The following ULK4 variants were observed in gnomAD, a reference collection of about 807,000 sequenced individuals.
The protein encoded by ULK4 is inactive serine/threonine-protein kinase ULK4.
In ULK4, 133 loss-of-function variants were observed where a neutral mutation model predicts 160.6. That is an observed-to-expected ratio of 0.83 (90% CI 0.72 to 0.96). The LOEUF is 0.96. ULK4 is among the 40% of genes least tolerant of loss of function. The pLI is 0.00. For synonymous variants in ULK4, 534 were observed against 539.8 expected (o/e 0.99, Z 0.15); for missense variants, 1,580 against 1,499.5 (o/e 1.05, Z -0.89).
chr3:41,640,587 G>A (rs1354452533), intron 30 of ULK4, among the ~76,000 whole-genome samples: 5 of 152,080 alleles, frequency 3.3e-5, no homozygotes, highest in Non-Finnish European at 5.9e-5. Context: ...AGCTTCAATA[G>A]GAAACACACG....
intron 35 of ULK4, among the ~76,000 whole-genome samples, chr3:41,290,103 G>T (rs1460061706): frequency 6.6e-6 from 1 of 152,126 alleles, no homozygotes; most frequent in African/African-American, 2.4e-5. Flanking sequence ...TCGAACTCCT[G>T]ACGTCAGGTG....
At chr3:41,692,514 T>C (rs1257145915) in intron 27 of ULK4, among the ~76,000 whole-genome samples, 2 of 151,712 alleles carry the variant, frequency 1.3e-5, no homozygotes, top group Non-Finnish European at 2.9e-5. Context: ...TATATTTATA[T>C]ATACTACTAT....
chr3:41,306,330 C>T (rs2079932585), intron 35 of ULK4, among the ~76,000 whole-genome samples: 1 of 136,178 alleles, frequency 7.3e-6, no homozygotes, highest in Non-Finnish European at 1.5e-5. Context: ...GCCAGCCGCC[C>T]CATCCGGGAG....
At chr3:41,398,481 T>TC in intron 34 of ULK4, among the ~76,000 whole-genome samples, 1 of 151,144 alleles carries the variant, frequency 6.6e-6, no homozygotes, top group Non-Finnish European at 1.5e-5. Flanking sequence ...CCTCCTGGGC[T>TC]CAAGTGATCC....
chr3:41,899,612 AT>A (rs1330277713), intron 13 of ULK4, among the ~76,000 whole-genome samples: 1 of 151,854 alleles, frequency 6.6e-6, no homozygotes, highest in African/African-American at 2.4e-5. Context: ...TTTTTTTGCA[AT>A]TTTTTTTGTT....
intron 32 of ULK4, among the ~76,000 whole-genome samples, chr3:41,478,127 T>C (rs140997738): frequency 3.3e-5 from 5 of 152,308 alleles, no homozygotes; most frequent in African/African-American, 1.2e-4. Flanking sequence ...CCCTCATCCA[T>C]GGGTCTAAGC....
At chr3:41,956,209 G>A (rs1700478339) in intron 1 of ULK4, among the ~76,000 whole-genome samples, 1 of 152,162 alleles carries the variant, frequency 6.6e-6, no homozygotes, top group Admixed American at 6.5e-5. Flanking sequence ...AGAATGGAAT[G>A]AATGAATGAA....
At chr3:41,344,863 G>GA (rs1386147394) in intron 35 of ULK4, among the ~76,000 whole-genome samples, 3 of 151,150 alleles carry the variant, frequency 2.0e-5, no homozygotes, top group African/African-American at 4.9e-5. Context: ...TACAGAATGG[G>GA]AAAAAAATTT....
chr3:41,384,193 G>A (rs1304148985), intron 35 of ULK4, among the ~76,000 whole-genome samples: 1 of 151,990 alleles, frequency 6.6e-6, no homozygotes, highest in Non-Finnish European at 1.5e-5. Flanking sequence ...TATAGTATAA[G>A]GGGCCACTAT....
intron 21 of ULK4, among the ~76,000 whole-genome samples, chr3:41,783,965 G>C (rs1305363010): frequency 6.6e-6 from 1 of 152,086 alleles, no homozygotes; most frequent in African/African-American, 2.4e-5. Flanking sequence ...GGAGTACAAG[G>C]ATTAGTAAAT....
At chr3:41,771,174 T>C (rs1384420084) in intron 21 of ULK4, among the ~76,000 whole-genome samples, 1 of 152,212 alleles carries the variant, frequency 6.6e-6, no homozygotes, top group African/African-American at 2.4e-5. Context: ...ATTCTATCTT[T>C]GTCAATTATA....
intron 35 of ULK4, among the ~76,000 whole-genome samples, chr3:41,306,319 C>T (rs539211257): frequency 0.11 from 10,722 of 100,816 alleles, 1,203 homozygotes; most frequent in African/African-American, 0.24. Context: ...CCCTCTGCCC[C>T]GCCAGCCGCC....
rs1030749399 is a variant in ULK4, at chr3:41,381,365, T to C, written c.3678+16714A>G. Among the ~76,000 whole-genome samples the C allele has an allele frequency of 6.6e-5, 10 of 152,196 alleles. No individual in the cohort carries two copies. The East Asian group carries it at 1.9e-3, about 29-fold the overall frequency. Reference sequence around the variant, plus strand: ...ACATTCTGATACCATTCTGCTTTAGTCCAGACCTCTTTCTGTTGGAATTCC... The same window carrying C: ...ACATTCTGATACCATTCTGCTTTAGCCCAGACCTCTTTCTGTTGGAATTCC... On this transcript the variant is annotated intron_variant, in intron 35 of 36. Coordinates refer to ENST00000301831, the MANE Select transcript of ULK4 (RefSeq NM_017886.4).
At chr3:41,614,447 G>A (rs2032858446) in intron 31 of ULK4, among the ~76,000 whole-genome samples, 1 of 152,218 alleles carries the variant, frequency 6.6e-6, no homozygotes. Flanking sequence ...ACTGAAGATG[G>A]AAAGATACAC....
chr3:41,850,683 C>T (rs1031675167), intron 17 of ULK4, among the ~76,000 whole-genome samples: 14 of 151,500 alleles, frequency 9.2e-5, no homozygotes, highest in African/African-American at 1.5e-4. Flanking sequence ...AATTTGTTTG[C>T]GTTCATTGTA....
chr3:41,957,604 T>A (rs1454552519), intron 1 of ULK4, among the ~76,000 whole-genome samples: 1 of 151,800 alleles, frequency 6.6e-6, no homozygotes, highest in Admixed American at 6.6e-5. Flanking sequence ...TCTCACCCCT[T>A]TGGGAGGCCA....
intron 5 of ULK4, among the ~76,000 whole-genome samples, chr3:41,922,329 A>T (rs1699216038): frequency 6.6e-6 from 1 of 152,166 alleles, no homozygotes; most frequent in South Asian, 2.1e-4. Flanking sequence ...TTACAAAAAA[A>T]TTTAAAACTT....
chr3:41,883,800 T>C, intron 17 of ULK4, 74 bp downstream of exon 17: 1 of 1,279,192 alleles, frequency 7.8e-7, no homozygotes, highest in Non-Finnish European at 1.1e-6. Flanking sequence ...CGGTGAAAGC[T>C]GCAGGTTCTA....
intron 32 of ULK4, among the ~76,000 whole-genome samples, chr3:41,526,738 C>T (rs2086131063): frequency 1.3e-5 from 2 of 152,140 alleles, no homozygotes; most frequent in Admixed American, 6.5e-5. Flanking sequence ...CATATACTGC[C>T]CATATTTCTA....
Sources: allele counts gnomAD v4.1 joint callset (sites outside exome capture counted in the v4.1 genomes callset), GRCh38; gene constraint gnomAD v4.1.1; transcripts MANE v1.5; gene names NCBI Gene and HGNC (gene_info 2026-07-23, HGNC 2026-07-21).